NT5C2: variants seen among roughly 807,000 people sequenced by gnomAD.
The protein encoded by NT5C2 is 5'-nucleotidase, cytosolic II.
NT5C2 carries 58 observed loss-of-function variants against 76.1 expected under a neutral mutation model. The ratio of observed to expected loss-of-function variants is 0.76; its 90% CI spans 0.62 to 0.95. The LOEUF is 0.95. Ranked by LOEUF, NT5C2 falls within the 40% of genes least tolerant of loss-of-function variation. NT5C2 has a pLI of 0.00. For missense variants in NT5C2, 478 were observed against 690.3 expected (o/e 0.69, Z 3.45); for synonymous variants, 229 against 237.4 (o/e 0.96, Z 0.32).
At chr10:103,118,640 A>G (rs1444915395) in intron 4 of NT5C2, among the ~76,000 whole-genome samples, 2 of 152,080 alleles carry the variant, frequency 1.3e-5, no homozygotes, top group African/African-American at 4.8e-5. Flanking sequence ...TTACAGGAAT[A>G]AGCCACCATG....
intron 2 of NT5C2, among the ~76,000 whole-genome samples, chr10:103,179,691 G>C (rs1294453068): frequency 1.3e-5 from 2 of 152,080 alleles, no homozygotes; most frequent in African/African-American, 4.8e-5. Context: ...GACAGAGTGA[G>C]ACCCAATCTC....
intron 4 of NT5C2, among the ~76,000 whole-genome samples, chr10:103,130,426 G>A (rs1481955645): frequency 3.3e-5 from 5 of 150,702 alleles, no homozygotes; most frequent in East Asian, 2.0e-4. Flanking sequence ...GCGGAAGGCC[G>A]CAGGGTCCTC....
intron 3 of NT5C2, among the ~76,000 whole-genome samples, chr10:103,154,081 G>C (rs1444681694): frequency 1.3e-5 from 2 of 151,622 alleles, no homozygotes; most frequent in Non-Finnish European, 2.9e-5. Flanking sequence ...ACTGAGCTTT[G>C]AAAAAAAAGA....
chr10:103,092,636 C>G (rs1440422363), intron 15 of NT5C2, among the ~76,000 whole-genome samples: 2 of 152,218 alleles, frequency 1.3e-5, no homozygotes, highest in Non-Finnish European at 2.9e-5. Context: ...CAGTTCAGCA[C>G]AGTGTGTATA....
chr10:103,096,980 C>A (rs1256188967), intron 11 of NT5C2, among the ~76,000 whole-genome samples: 1 of 151,304 alleles, frequency 6.6e-6, no homozygotes, highest in Non-Finnish European at 1.5e-5. Flanking sequence ...AGGGGTGTGA[C>A]TGCTCAAGTT....
intron 5 of NT5C2, among the ~76,000 whole-genome samples, chr10:103,106,270 AC>A (rs1252480818): frequency 1.3e-5 from 2 of 152,226 alleles, no homozygotes; most frequent in African/African-American, 2.4e-5. Context: ...TTAGAGAAAC[AC>A]GTACCTATTT....
rs1198471494 is a variant in NT5C2, at chr10:103,148,143, T to C, written c.102-8664A>G. Reference sequence around the variant, plus strand: ...ATTCAAAGCTCAAATACCATGGACATACAGACACAACAAGAAATTTTGGGT... The same window carrying C: ...ATTCAAAGCTCAAATACCATGGACACACAGACACAACAAGAAATTTTGGGT... On this transcript the variant is annotated intron_variant, in intron 3 of 18. Transcript: ENST00000404739. Among the ~76,000 whole-genome samples, 45 of 152,184 alleles carry C rather than the reference T, an allele frequency of 3.0e-4. 1 individual carries two copies. Among genetic ancestry groups the C allele is most frequent in the Admixed American group, 2.9e-3 (45 of 15,272 alleles).
intron 16 of NT5C2, 99 bp downstream of exon 16, chr10:103,091,465 C>T: frequency 1.1e-6 from 1 of 908,784 alleles, no homozygotes; most frequent in South Asian, 1.4e-5. Context: ...CCTGCCTCAG[C>T]CTCCCAAATA....
intron 4 of NT5C2, 99 bp downstream of exon 4, chr10:103,139,307 C>T (rs1362179638): frequency 3.0e-6 from 2 of 670,394 alleles, no homozygotes; most frequent in Non-Finnish European, 4.8e-6. Flanking sequence ...CAGCCAAATA[C>T]ATGATTAAGT....
chr10:103,176,887 T>G (rs2090076697), intron 2 of NT5C2, among the ~76,000 whole-genome samples: 1 of 152,136 alleles, frequency 6.6e-6, no homozygotes, highest in African/African-American at 2.4e-5. Context: ...TTTGACTTGG[T>G]AAGAAAGCAT....
chr10:103,161,296 GC>G (rs1032023533), intron 3 of NT5C2, among the ~76,000 whole-genome samples: 3 of 151,966 alleles, frequency 2.0e-5, no homozygotes, highest in Non-Finnish European at 1.5e-5. Flanking sequence ...TCCCACCTCA[GC>G]CTCTTGAATA....
chr10:103,101,513 A>AT (rs1416869092), intron 6 of NT5C2, among the ~76,000 whole-genome samples, 187 bp from the exon 7 acceptor site: 2 of 129,700 alleles, frequency 1.5e-5, no homozygotes, highest in African/African-American at 2.8e-5. Flanking sequence ...TTTTAATTTT[A>AT]ATTTTTTTTT....
intron 16 of NT5C2, among the ~76,000 whole-genome samples, chr10:103,091,349 CT>C (rs749980496): frequency 1.1e-3 from 157 of 145,246 alleles, no homozygotes; most frequent in Non-Finnish European, 1.4e-3. Flanking sequence ...CTGGAAAGAA[CT>C]TTTTTTTTTT....
Position 103,089,838 on chromosome 10 carries a change from C to T in NT5C2, c.1520G>A (p.Arg507Gln), listed in dbSNP as rs760164136. The change falls in exon 19 of 19, where the codon CGG (arginine) becomes CAG (glutamine). Residue 507 changes from arginine (R) to glutamine (Q), a missense_variant. Physicochemically the swap from Arg to Gln is conservative, Grantham distance 43. Transcript: ENST00000404739. ...INEMESPLAT[R>Q]NRTSVDFKDT... is the part of the protein sequence containing the mutation. Reference sequence around the variant, plus strand: ...TTTGAAATCCACTGATGTGCGGTTCCGGGTGGCAAGAGGAGACTCCATCTC... The same window carrying T: ...TTTGAAATCCACTGATGTGCGGTTCTGGGTGGCAAGAGGAGACTCCATCTC... 2 of 1,613,974 alleles carry T rather than the reference C, an allele frequency of 1.2e-6. No individual in the cohort carries two copies. Among genetic ancestry groups the T allele is most frequent in the Non-Finnish European group, 1.7e-6 (2 of 1,179,990 alleles).
rs528833910 is a variant in NT5C2, at chr10:103,153,809, T to C, written c.102-14330A>G. The C allele has an allele frequency of 6.2e-6, 6 of 963,330 alleles. No individual in the cohort carries two copies. In the Admixed American group the frequency reaches 3.7e-4, roughly 59 times the overall value. The allele number at this position is 963,330 out of a possible 1,614,324, so 59.7% of individuals were successfully genotyped here. A position where few individuals can be genotyped will look rare whatever the true frequency, so the allele number is the denominator to read the frequency against. ...TTTAATTATTAGTGTAGTTATTTCC[T>C]CCCTCAGAAAATAAACAATGTGAAT... is the stretch of plus-strand genomic sequence containing the variant. On this transcript the variant is annotated intron_variant, in intron 3 of 18. Coordinates refer to ENST00000404739, the MANE Select transcript of NT5C2 (RefSeq NM_001351169.2).
chr10:103,100,109 C>A, intron 8 of NT5C2, 90 bp from the exon 9 acceptor site: 1 of 778,674 alleles, frequency 1.3e-6, no homozygotes, highest in South Asian at 1.5e-5. Flanking sequence ...CCAAAGGTTC[C>A]ATATCACATG....
At chr10:103,152,297 C>T (rs2082544771) in intron 3 of NT5C2, among the ~76,000 whole-genome samples, 3 of 152,132 alleles carry the variant, frequency 2.0e-5, no homozygotes, top group Admixed American at 6.5e-5. Flanking sequence ...TCATAATTTT[C>T]ACATTTAAAA....
intron 4 of NT5C2, among the ~76,000 whole-genome samples, chr10:103,133,718 T>C (rs2078669984): frequency 6.6e-6 from 1 of 152,178 alleles, no homozygotes. Flanking sequence ...AACAGACAAA[T>C]GTTAGAACAA....
chr10:103,189,928 C>A (rs1176658916), intron 1 of NT5C2, among the ~76,000 whole-genome samples: 1 of 146,820 alleles, frequency 6.8e-6, no homozygotes, highest in Non-Finnish European at 1.5e-5. Flanking sequence ...CCTCGACCTC[C>A]CAAAGTGCTG....
Sources: gnomAD v4.1 joint callset for allele counts (sites outside exome capture counted in the v4.1 genomes callset) on GRCh38, gnomAD v4.1.1 for gene constraint, MANE v1.5 for transcripts, NCBI Gene and HGNC (gene_info 2026-07-23, HGNC 2026-07-21) for gene names.